TNIK: variants seen among roughly 807,000 people sequenced by gnomAD.
TNIK encodes the protein TRAF2 and NCK-interacting protein kinase.
In TNIK, 49 loss-of-function variants were observed where a neutral mutation model predicts 191.3. The observed-to-expected ratio is 0.26, with a 90% confidence interval of 0.20 to 0.32. The LOEUF (loss-of-function observed/expected upper bound fraction) is 0.32, where lower values mean the gene tolerates loss of function less well. Among genes scored for constraint, TNIK ranks in the 10% least tolerant of loss-of-function variants. The pLI, the probability that TNIK is intolerant of heterozygous loss-of-function variation, is 1.00. For synonymous variants in TNIK, 594 were observed against 600.9 expected (o/e 0.99, Z 0.17); for missense variants, 1,155 against 1,702.3 (o/e 0.68, Z 5.66).
At position 171,200,202 on chromosome 3, in the gene TNIK, CTAAA is replaced by C. The variant is rs1387287760; in HGVS notation, c.307-5571_307-5568del. ...ATTTGAAATTTTCACTCAACACCGC[CTAAA>C]TAAATAACTGGGTCAGAAACTTAAA... On this transcript the variant is annotated intron_variant, in intron 4 of 32. Coordinates refer to ENST00000436636, the MANE Select transcript of TNIK (RefSeq NM_015028.4). Among the ~76,000 whole-genome samples, 9 of 152,074 alleles carry C rather than the reference CTAAA, an allele frequency of 5.9e-5. No homozygotes were observed. The Middle Eastern group carries it at 0.014, about 230-fold the overall frequency.
At position 171,460,297 on chromosome 3, in the gene TNIK, G is replaced by A; in HGVS notation, c.-234C>T. The stretch of plus-strand genomic sequence containing the variant: ...ATCTCCAAGCCCCGAGCAGCGGTGC[G>A]TGTGGGCTGAGCGCCCCGATCGGCT... On this transcript the variant is annotated 5_prime_UTR_variant, in exon 1 of 33. The change creates a new upstream start codon in the 5' untranslated region. Coordinates refer to ENST00000436636, the MANE Select transcript of TNIK (RefSeq NM_015028.4). The surrounding 1 kb of genome is among the most constrained non-coding windows in gnomAD (Gnocchi z 6.8). 1 of 594,136 alleles carries A rather than the reference G, an allele frequency of 1.7e-6. No individual in the cohort carries two copies. Among genetic ancestry groups the A allele is most frequent in the Non-Finnish European group, 3.0e-6 (1 of 338,150 alleles). 36.8% of individuals were successfully genotyped at this position (594,136 alleles called of 1,614,324 possible).
intron 2 of TNIK, among the ~76,000 whole-genome samples, chr3:171,311,694 A>T (rs967729480): frequency 6.6e-6 from 1 of 152,196 alleles, no homozygotes; most frequent in Non-Finnish European, 1.5e-5. Flanking sequence ...AGTATTCACC[A>T]TCATTCTCCA....
At chr3:171,247,567 C>G (rs1220303582) in intron 2 of TNIK, among the ~76,000 whole-genome samples, 1 of 152,046 alleles carries the variant, frequency 6.6e-6, no homozygotes, top group Non-Finnish European at 1.5e-5. Flanking sequence ...CAGATGTGTC[C>G]ATTAGTCCAG....
At chr3:171,104,164 C>T (rs1475175692) in intron 21 of TNIK, among the ~76,000 whole-genome samples, 1 of 151,972 alleles carries the variant, frequency 6.6e-6, no homozygotes, top group Non-Finnish European at 1.5e-5. Flanking sequence ...CAAAGTAATA[C>T]CTGTAGTCAA....
intron 2 of TNIK, among the ~76,000 whole-genome samples, chr3:171,359,675 C>T (rs998430066): frequency 6.6e-6 from 1 of 152,170 alleles, no homozygotes; most frequent in Non-Finnish European, 1.5e-5. Context: ...GCAGATATTT[C>T]TTTTTGCATA....
At chr3:171,318,512 A>C (rs762216185) in intron 2 of TNIK, among the ~76,000 whole-genome samples, 1 of 152,198 alleles carries the variant, frequency 6.6e-6, no homozygotes, top group Admixed American at 6.6e-5. Context: ...TCTAGCTCTT[A>C]TAAGGAAATA....
At chr3:171,257,591 A>G (rs1158953627) in intron 2 of TNIK, among the ~76,000 whole-genome samples, 1 of 152,212 alleles carries the variant, frequency 6.6e-6, no homozygotes, top group African/African-American at 2.4e-5. Flanking sequence ...ACAACATTCT[A>G]ACGTCAATAA....
rs956969164 is a variant in TNIK at position 171,252,013 on chromosome 3, G to A, written c.124-23792C>T. 8.7e-5 allele frequency among the ~76,000 whole-genome samples: 9 copies of A among 103,882 alleles called. No individual in the cohort carries two copies. In the East Asian group the frequency reaches 1.3e-3, roughly 15 times the overall value. The allele number at this position is 103,882 out of a possible 152,430, so 68.2% of individuals were successfully genotyped here. ...ATTGCAACATTTTTGAAGGAAATACGTGCAATTCTCTAAGGTAAATGTTCA... is the reference window on the plus strand; with the variant it reads ...ATTGCAACATTTTTGAAGGAAATACATGCAATTCTCTAAGGTAAATGTTCA... On this transcript the variant is annotated intron_variant, in intron 2 of 32. Transcript: ENST00000436636.
intron 2 of TNIK, among the ~76,000 whole-genome samples, chr3:171,294,352 A>T (rs1228659599): frequency 6.6e-6 from 1 of 152,210 alleles, no homozygotes; most frequent in Non-Finnish European, 1.5e-5. Flanking sequence ...TGAGCTGAGG[A>T]CATCAAGGCT....
chr3:171,148,236 CAT>C (rs1477263147), intron 12 of TNIK, among the ~76,000 whole-genome samples: 4 of 152,224 alleles, frequency 2.6e-5, no homozygotes, highest in African/African-American at 9.6e-5. Flanking sequence ...CTGTCAAGCA[CAT>C]GTGTGCAAGC....
At chr3:171,183,945 G>A (rs1210058522) in intron 7 of TNIK, among the ~76,000 whole-genome samples, 12 of 124,822 alleles carry the variant, frequency 9.6e-5, no homozygotes, top group South Asian at 2.6e-4. Context: ...AAAAAAAAAG[G>A]CCCCAAATAG....
chr3:171,406,388 C>A lies in TNIK; in HGVS notation c.58-36703G>T, dbSNP rs191597912. Among the ~76,000 whole-genome samples, 15 of 152,170 alleles carry A rather than the reference C, an allele frequency of 9.9e-5. No individual in the cohort carries two copies. In the East Asian group the frequency reaches 2.9e-3, roughly 29 times the overall value. Reference sequence around the variant, plus strand: ...AGCTCGGAGGCCATGCAGCAGGGCACCCTCCATATTGAGAGCAAACACCAT... The same window carrying A: ...AGCTCGGAGGCCATGCAGCAGGGCAACCTCCATATTGAGAGCAAACACCAT... On this transcript the variant is annotated intron_variant, in intron 1 of 32. Coordinates refer to ENST00000436636, the MANE Select transcript of TNIK (RefSeq NM_015028.4).
In TNIK at chr3:171,110,865, G is replaced by A. The variant is rs1241402774; in HGVS notation, c.2133C>T (p.Leu711=). 3.1e-6 allele frequency: 5 copies of A among 1,602,948 alleles called. No homozygotes were observed. Among genetic ancestry groups the A allele is most frequent in the Non-Finnish European group, 4.3e-6 (5 of 1,175,500 alleles). ...TCTCCAAGATGGGCTCAGTTCTCCGGAGATCAGGGTTGCTGTGTGAGTGAC... is the reference window on the plus strand; with the variant it reads ...TCTCCAAGATGGGCTCAGTTCTCCGAAGATCAGGGTTGCTGTGTGAGTGAC... ...SQPIRASNPD[L]RRTEPILESP... is the part of the protein sequence containing the mutation. Residue 711 remains leucine (L), a synonymous_variant, in exon 19 of 33, where the codon CTC becomes CTT. Transcript: ENST00000436636.
At chr3:171,194,462 C>T in intron 5 of TNIK, 63 bp downstream of exon 5, 2 of 1,418,430 alleles carry the variant, frequency 1.4e-6, no homozygotes, top group Non-Finnish European at 2.0e-6. Context: ...TTCAATCCCT[C>T]ATAAGATATC....
intron 1 of TNIK, among the ~76,000 whole-genome samples, chr3:171,388,571 A>G (rs1273123470): frequency 2.0e-5 from 3 of 152,306 alleles, no homozygotes; most frequent in Non-Finnish European, 4.4e-5. Context: ...TCTCCCACAA[A>G]GGGTGACTTC....
chr3:171,380,862 G>A (rs1327916841), intron 1 of TNIK, among the ~76,000 whole-genome samples: 2 of 152,212 alleles, frequency 1.3e-5, no homozygotes, highest in Non-Finnish European at 2.9e-5. Flanking sequence ...TCCAGAGAAG[G>A]GTGAGATGGC....
rs190879860 is a variant in TNIK at position 171,203,815 on chromosome 3, G to A, written c.306+7301C>T. On this transcript the variant is annotated intron_variant, in intron 4 of 32. Transcript: ENST00000436636. ...GAATCTTTGTCCTTAAAACGCACACGGTATAATTTCTTAAGTCTTGGCTCT... is the reference window on the plus strand; with the variant it reads ...GAATCTTTGTCCTTAAAACGCACACAGTATAATTTCTTAAGTCTTGGCTCT... 3.3e-5 allele frequency among the ~76,000 whole-genome samples: 5 copies of A among 152,230 alleles called. No individual in the cohort carries two copies. The East Asian group carries it at 7.7e-4, about 24-fold the overall frequency.
intron 1 of TNIK, among the ~76,000 whole-genome samples, chr3:171,397,683 A>AT (rs1169006732): frequency 6.6e-6 from 1 of 152,228 alleles, no homozygotes; most frequent in Non-Finnish European, 1.5e-5. Context: ...TCACTGTAAT[A>AT]TGTTTATATC....
At chr3:171,357,343 C>CA (rs1403271800) in intron 2 of TNIK, among the ~76,000 whole-genome samples, 1 of 150,670 alleles carries the variant, frequency 6.6e-6, no homozygotes, top group Non-Finnish European at 1.5e-5. Context: ...CTGGAGTGTG[C>CA]AGTGGCATGA....
Sources: allele counts gnomAD v4.1 joint callset (sites outside exome capture counted in the v4.1 genomes callset), GRCh38; gene constraint gnomAD v4.1.1; non-coding constraint Gnocchi (gnomAD v3.1); transcripts MANE v1.5; gene names NCBI Gene and HGNC (gene_info 2026-07-23, HGNC 2026-07-21).